Variants in LGR6 observed in about 807,000 individuals in gnomAD.
LGR6 encodes leucine-rich repeat-containing G protein-coupled receptor 6.
A neutral mutation model predicts 69.4 loss-of-function variants in LGR6; 45 were observed. The ratio of observed to expected loss-of-function variants is 0.65; its 90% CI spans 0.51 to 0.83. LGR6 has a LOEUF of 0.83. LGR6 is among the 40% of genes least tolerant of loss of function. LGR6 has a pLI of 0.00. For synonymous variants in LGR6, 538 were observed against 555.0 expected (o/e 0.97, Z 0.43); for missense variants, 1,108 against 1,246.7 (o/e 0.89, Z 1.68).
intron 7 of LGR6, among the ~76,000 whole-genome samples, chr1:202,298,855 C>T (rs1667367465): frequency 6.6e-6 from 1 of 151,976 alleles, no homozygotes; most frequent in South Asian, 2.1e-4. Context: ...CCACCCCCAC[C>T]ACCTGAGACC....
At chr1:202,247,117 C>CT (rs1474890993) in intron 4 of LGR6, among the ~76,000 whole-genome samples, 1 of 152,236 alleles carries the variant, frequency 6.6e-6, no homozygotes, top group Non-Finnish European at 1.5e-5. Context: ...GAACTGGAAT[C>CT]TTCAGGGCTG....
At chr1:202,232,135 C>T (rs1352351586) in intron 3 of LGR6, among the ~76,000 whole-genome samples, 1 of 151,420 alleles carries the variant, frequency 6.6e-6, no homozygotes, top group Non-Finnish European at 1.5e-5. Context: ...GCAGACCTCC[C>T]AATACATAAA....
intron 4 of LGR6, among the ~76,000 whole-genome samples, chr1:202,251,170 GCT>G (rs980583218): frequency 1.3e-5 from 2 of 152,258 alleles, no homozygotes. Context: ...GCAAGCACTG[GCT>G]CTCTGTGCTG....
Position 202,212,805 on chromosome 1 carries a change from A to T in LGR6, c.213-12618A>T, listed in dbSNP as rs538210802. On this transcript the variant is annotated intron_variant, in intron 1 of 17. Coordinates refer to ENST00000367278, the MANE Select transcript of LGR6 (RefSeq NM_001017403.2). ...TTATGAGGTAGACACACCTTTAGGG[A>T]GGCCACCATTCATCCACCACACTTT... 7.4e-4 allele frequency among the ~76,000 whole-genome samples: 113 copies of T among 152,258 alleles called. 1 individual carries two copies. The highest frequency in any genetic ancestry group is 9.1e-4 in the Non-Finnish European group (62 of 68,000).
chr1:202,212,539 A>G (rs1659501703), intron 1 of LGR6, among the ~76,000 whole-genome samples: 1 of 152,162 alleles, frequency 6.6e-6, no homozygotes, highest in African/African-American at 2.4e-5. Context: ...TCTAGGGGAG[A>G]ACCCACTGCG....
chr1:202,276,208 C>T, intron 4 of LGR6, 98 bp from the exon 5 acceptor site: 1 of 940,290 alleles, frequency 1.1e-6, no homozygotes, highest in Non-Finnish European at 1.7e-6. Flanking sequence ...CAGGGAGCCT[C>T]AAAGGCCCTG....
At position 202,318,205 on chromosome 1, in the gene LGR6, C is replaced by T. The variant is rs369670461; in HGVS notation, c.1902C>T (p.Ala634=). 1 of 1,612,940 alleles carries T rather than the reference C, an allele frequency of 6.2e-7. No homozygotes were observed. The highest frequency in any genetic ancestry group is 8.5e-7 in the Non-Finnish European group (1 of 1,179,916). ...LTFGQFSEYG[A]RWETGLGCRA... is the part of the protein sequence containing the mutation. ...TTGGTCAGTTCTCTGAGTACGGAGC[C>T]CGCTGGGAGACGGGGCTAGGCTGCC... The change falls in exon 18 of 18, where the codon GCC becomes GCT. Residue 634 remains alanine, a synonymous_variant. Coordinates refer to ENST00000367278, the MANE Select transcript of LGR6 (RefSeq NM_001017403.2).
intron 12 of LGR6, 47 bp downstream of exon 12, chr1:202,305,796 G>C: frequency 1.3e-6 from 2 of 1,525,804 alleles, no homozygotes; most frequent in Admixed American, 1.7e-5. Flanking sequence ...GCCAGACCCT[G>C]AGCAAGTCCT....
chr1:202,198,445 T>A (rs1658718107), intron 1 of LGR6, among the ~76,000 whole-genome samples: 1 of 152,194 alleles, frequency 6.6e-6, no homozygotes, highest in Non-Finnish European at 1.5e-5. Context: ...AAGAGCTCGA[T>A]AAATGTTAGC....
chr1:202,203,827 G>A (rs890303887), intron 1 of LGR6: 1 of 1,613,900 alleles, frequency 6.2e-7, no homozygotes. Context: ...GGAATGGGAA[G>A]ACCAAGGTTG....
intron 6 of LGR6, among the ~76,000 whole-genome samples, chr1:202,284,424 G>C (rs939969437): frequency 6.6e-6 from 1 of 152,144 alleles, no homozygotes; most frequent in African/African-American, 2.4e-5. Context: ...AGGTATTTGG[G>C]GGTGAGTTGC....
chr1:202,200,657 G>A (rs1658806028), intron 1 of LGR6, among the ~76,000 whole-genome samples: 2 of 152,200 alleles, frequency 1.3e-5, no homozygotes, highest in South Asian at 4.1e-4. Context: ...GAATCGTGGG[G>A]TCCCCTTTGT....
intron 1 of LGR6, among the ~76,000 whole-genome samples, chr1:202,198,766 C>T (rs1487828060): frequency 1.1e-4 from 17 of 149,398 alleles, no homozygotes. Context: ...TGCTCCCTTA[C>T]ATGGTCTAGA....
Position 202,242,043 on chromosome 1 carries a change from A to T in LGR6, c.428+6050A>T, listed in dbSNP as rs1381643296. On this transcript the variant is annotated intron_variant, in intron 4 of 17. Coordinates refer to ENST00000367278, the MANE Select transcript of LGR6 (RefSeq NM_001017403.2). ...GTGGAGAAGCCAGGGTGGATAGATGATGTGCTGGTGTGCTCGTGGGCCGGG... is the reference window on the plus strand; with the variant it reads ...GTGGAGAAGCCAGGGTGGATAGATGTTGTGCTGGTGTGCTCGTGGGCCGGG... Among the ~76,000 whole-genome samples the T allele has an allele frequency of 2.6e-5, 4 of 152,142 alleles. No homozygotes were observed. The East Asian group carries it at 7.7e-4, about 29-fold the overall frequency.
chr1:202,271,438 A>G (rs981409612), intron 4 of LGR6, among the ~76,000 whole-genome samples: 1 of 152,124 alleles, frequency 6.6e-6, no homozygotes, highest in Non-Finnish European at 1.5e-5. Flanking sequence ...GGGTTGCTCT[A>G]TAGCCAGGTG....
At chr1:202,223,846 G>GC (rs1435058989) in intron 1 of LGR6, among the ~76,000 whole-genome samples, 19 of 1,476 alleles carry the variant, frequency 0.013, 1 homozygote, top group Non-Finnish European at 0.013. Flanking sequence ...CCACAGGCCT[G>GC]TGAAAAGGCA....
intron 4 of LGR6, among the ~76,000 whole-genome samples, chr1:202,259,596 G>T (rs752769263): frequency 3.2e-4 from 49 of 152,124 alleles, no homozygotes; most frequent in Non-Finnish European, 3.7e-4. Context: ...TGTAAATGAT[G>T]CTTTGTCTCA....
At chr1:202,294,910 C>A (rs144320277) in intron 6 of LGR6, among the ~76,000 whole-genome samples, 4 of 152,080 alleles carry the variant, frequency 2.6e-5, no homozygotes, top group Admixed American at 6.5e-5. Context: ...TGGGCAGAGA[C>A]CTGAATGAAG....
chr1:202,230,648 G>A (rs1247492088), intron 3 of LGR6, among the ~76,000 whole-genome samples: 1 of 152,202 alleles, frequency 6.6e-6, no homozygotes, highest in African/African-American at 2.4e-5. Flanking sequence ...ATGCATGTGT[G>A]CGTGTGTGTG....
Sources: allele counts gnomAD v4.1 joint callset (sites outside exome capture counted in the v4.1 genomes callset), GRCh38; gene constraint gnomAD v4.1.1; transcripts MANE v1.5; gene names NCBI Gene and HGNC (gene_info 2026-07-23, HGNC 2026-07-21).